The following MCCC2 variants were observed in gnomAD, a reference collection of about 807,000 sequenced individuals.
The protein encoded by MCCC2 is methylcrotonyl-CoA carboxylase subunit 2.
MCCC2 carries 52 observed loss-of-function variants against 77.2 expected under a neutral mutation model. That is an observed-to-expected ratio of 0.67 (90% CI 0.54 to 0.85). The LOEUF (loss-of-function observed/expected upper bound fraction) is 0.85, where lower values mean the gene tolerates loss of function less well. Among genes scored for constraint, MCCC2 ranks in the 40% least tolerant of loss-of-function variants. The pLI is 0.00. For missense variants in MCCC2, 682 were observed against 703.2 expected (o/e 0.97, Z 0.34); for synonymous variants, 253 against 248.4 (o/e 1.02, Z -0.18).
chr5:71,619,835 C>T (rs946745460), intron 6 of MCCC2, among the ~76,000 whole-genome samples: 1 of 151,692 alleles, frequency 6.6e-6, no homozygotes, highest in Non-Finnish European at 1.5e-5. Context: ...ACTAAAAATA[C>T]AAAAAATTAG....
intron 10 of MCCC2, among the ~76,000 whole-genome samples, chr5:71,637,290 A>G (rs1746965418): frequency 2.0e-5 from 3 of 152,218 alleles, no homozygotes; most frequent in Admixed American, 1.3e-4. Flanking sequence ...GCACAGGCAC[A>G]CCTCAGATAC....
intron 6 of MCCC2, among the ~76,000 whole-genome samples, chr5:71,612,618 A>G (rs531319013): frequency 1.3e-5 from 2 of 152,264 alleles, no homozygotes; most frequent in East Asian, 1.9e-4. Flanking sequence ...TAGCCTCCCA[A>G]TGTGCTGGGA....
At chr5:71,601,752 A>G (rs1745444337) in intron 4 of MCCC2, among the ~76,000 whole-genome samples, 1 of 152,160 alleles carries the variant, frequency 6.6e-6, no homozygotes, top group Non-Finnish European at 1.5e-5. Context: ...TAAAGAGCAC[A>G]CTGTTGTCAT....
chr5:71,602,581 A>AT lies in MCCC2; in HGVS notation c.461dup (p.Leu154PhefsTer19). ...ACTACCCAGTGACTGTGAAAAAACA[A>AT]TTACGGGCCCAAGAAATTGCCATGC... On this transcript the variant is annotated frameshift_variant, in exon 5 of 17. Coordinates refer to ENST00000340941, the MANE Select transcript of MCCC2 (RefSeq NM_022132.5). LOFTEE classifies it high-confidence loss of function. 6.2e-7 allele frequency: 1 copy of AT among 1,614,206 alleles called. No individual in the cohort carries two copies. Among genetic ancestry groups the AT allele is most frequent in the Non-Finnish European group, 8.5e-7 (1 of 1,180,030 alleles).
chr5:71,594,991 C>CT (rs199626007), intron 2 of MCCC2, among the ~76,000 whole-genome samples: 9 of 151,512 alleles, frequency 5.9e-5, no homozygotes, highest in Admixed American at 2.0e-4. Flanking sequence ...CTTGGCCCCC[C>CT]GGGTTCAAGC....
At chr5:71,631,876 G>A (rs1207731685) in intron 7 of MCCC2, among the ~76,000 whole-genome samples, 1 of 151,956 alleles carries the variant, frequency 6.6e-6, no homozygotes, top group Non-Finnish European at 1.5e-5. Context: ...GCTCAAATGA[G>A]ACTCCATTGC....
In MCCC2 at chr5:71,587,529, C is replaced by G; in HGVS notation, c.104C>G (p.Pro35Arg). 2 of 1,538,154 alleles carry G rather than the reference C, an allele frequency of 1.3e-6. No homozygotes were observed. The highest frequency in any genetic ancestry group is 2.4e-5 in the South Asian group (2 of 84,106). Residue 35 changes from proline (P) to arginine (R), a missense_variant, in exon 1 of 17, where the codon CCG becomes CGG. Coordinates refer to ENST00000340941, the MANE Select transcript of MCCC2 (RefSeq NM_022132.5). ...GDSVASLGTQ[P>R]DLGSALYQEN... ...TCGGTGGCCTCGCTGGGCACCCAGC[C>G]GGACTTGGGCTCTGCCCTCTACCAG... is the stretch of plus-strand genomic sequence containing the variant.
chr5:71,627,482 G>A lies in MCCC2; in HGVS notation c.738+729G>A, dbSNP rs534235896. On this transcript the variant is annotated intron_variant, in intron 7 of 16. Transcript: ENST00000340941. The stretch of plus-strand genomic sequence containing the variant: ...CTGTGTTCTAGCTATCCATTCATCA[G>A]TTGATGGGCATTTAGGTTGCTTCTG... Among the ~76,000 whole-genome samples the A allele has an allele frequency of 2.0e-5, 3 of 152,276 alleles. No homozygotes were observed. The East Asian group carries it at 5.8e-4, about 29-fold the overall frequency.
At chr5:71,652,233 G>A (rs1444282875) in intron 15 of MCCC2, among the ~76,000 whole-genome samples, 2 of 152,234 alleles carry the variant, frequency 1.3e-5, no homozygotes, top group Non-Finnish European at 2.9e-5. Flanking sequence ...GGTTATTCAA[G>A]ATTTGGTTGG....
chr5:71,649,141 G>T lies in MCCC2; in HGVS notation c.1261G>T (p.Asp421Tyr). The T allele has an allele frequency of 6.2e-7, 1 of 1,614,232 alleles. No individual in the cohort carries two copies. The highest frequency in any genetic ancestry group is 8.5e-7 in the Non-Finnish European group (1 of 1,180,040). ...REYEAEGIAK[D>Y]GAKMVAAVAC... The stretch of plus-strand genomic sequence containing the variant: ...GTATGAAGCTGAAGGAATTGCCAAG[G>T]ATGGTGCCAAGATGGTGGCCGCTGT... The change falls in exon 14 of 17, where the codon GAT becomes TAT. Residue 421 changes from aspartate to tyrosine, a missense_variant. By Grantham distance (160) the Asp-to-Tyr change is radical (BLOSUM62 -3). Coordinates refer to ENST00000340941, the MANE Select transcript of MCCC2 (RefSeq NM_022132.5).
intron 15 of MCCC2, among the ~76,000 whole-genome samples, chr5:71,651,969 C>T (rs539775136): frequency 8.5e-5 from 13 of 152,208 alleles, no homozygotes; most frequent in African/African-American, 2.9e-4. Context: ...CCTCAGAATT[C>T]GTGACCTAGA....
chr5:71,634,799 C>T (rs1017359766), intron 8 of MCCC2, 144 bp from the exon 9 acceptor site: 1 of 724,040 alleles, frequency 1.4e-6, no homozygotes, highest in Non-Finnish European at 2.4e-6. Flanking sequence ...CTTAAGATGA[C>T]ATTTATTAAA....
At chr5:71,592,146 C>T (rs571089811) in intron 1 of MCCC2, among the ~76,000 whole-genome samples, 18 of 152,096 alleles carry the variant, frequency 1.2e-4, no homozygotes, top group South Asian at 6.2e-4. Flanking sequence ...TTTGGGAGGC[C>T]GAGATGGGCA....
At chr5:71,616,114 A>T (rs918359696) in intron 6 of MCCC2, among the ~76,000 whole-genome samples, 3 of 152,088 alleles carry the variant, frequency 2.0e-5, no homozygotes, top group African/African-American at 7.2e-5. Context: ...GTGCATTCCC[A>T]CTCCGCGGGG....
rs930995556 is a variant in MCCC2 at position 71,649,133 on chromosome 5, T to C, written c.1253T>C (p.Ile418Thr). ...GGTAGAGAGTATGAAGCTGAAGGAA[T>C]TGCCAAGGATGGTGCCAAGATGGTG... ...MVGREYEAEG[I>T]AKDGAKMVAA... Residue 418 changes from isoleucine (I) to threonine (T), a missense_variant, in exon 14 of 17, where the codon ATT becomes ACT. By Grantham distance (89) the Ile-to-Thr change is moderately conservative. Transcript: ENST00000340941. 1 of 1,614,112 alleles carries C rather than the reference T, an allele frequency of 6.2e-7. No individual in the cohort carries two copies. Among genetic ancestry groups the C allele is most frequent in the Non-Finnish European group, 8.5e-7 (1 of 1,180,050 alleles).
At chr5:71,647,947 G>A (rs1034593328) in intron 13 of MCCC2, among the ~76,000 whole-genome samples, 17 of 152,038 alleles carry the variant, frequency 1.1e-4, no homozygotes, top group African/African-American at 3.6e-4. Context: ...ATGGTGGGTC[G>A]GGTTGGGTGG....
At position 71,590,247 on chromosome 5, in the gene MCCC2, G is replaced by A. The variant is rs1231144064; in HGVS notation, c.130-2679G>A. On this transcript the variant is annotated intron_variant, in intron 1 of 16. Coordinates refer to ENST00000340941, the MANE Select transcript of MCCC2 (RefSeq NM_022132.5). Reference sequence around the variant, plus strand: ...TAAACTACACTGCCTCTTGGTTAGTGAGTCTCATCCTAAGGAGGCTAGGTT... The same window carrying A: ...TAAACTACACTGCCTCTTGGTTAGTAAGTCTCATCCTAAGGAGGCTAGGTT... Among the ~76,000 whole-genome samples, 5 of 152,156 alleles carry A rather than the reference G, an allele frequency of 3.3e-5. No individual in the cohort carries two copies. In the East Asian group the frequency reaches 5.8e-4, roughly 18 times the overall value.
intron 13 of MCCC2, among the ~76,000 whole-genome samples, chr5:71,647,022 A>G (rs1314352822): frequency 6.6e-6 from 1 of 152,218 alleles, no homozygotes; most frequent in African/African-American, 2.4e-5. Context: ...TACTCCAGAG[A>G]TGACCTTAAC....
Position 71,618,411 on chromosome 5 carries a change from C to G in MCCC2, c.625-8229C>G, listed in dbSNP as rs957861011. Among the ~76,000 whole-genome samples, 8 of 152,306 alleles carry G rather than the reference C, an allele frequency of 5.3e-5. No individual in the cohort carries two copies. In the South Asian group the frequency reaches 1.5e-3, roughly 28 times the overall value. The stretch of plus-strand genomic sequence containing the variant: ...ATGACTGTCAGATGCCAGTGCCATG[C>G]TCTTGGATTTCCCAGCTTCCAGAAC... On this transcript the variant is annotated intron_variant, in intron 6 of 16. Transcript: ENST00000340941.
Sources: allele counts gnomAD v4.1 joint callset (sites outside exome capture counted in the v4.1 genomes callset), GRCh38; gene constraint gnomAD v4.1.1; transcripts MANE v1.5; gene names NCBI Gene and HGNC (gene_info 2026-07-23, HGNC 2026-07-21).